The following GPC5 variants were observed in gnomAD, a reference collection of about 807,000 sequenced individuals.
GPC5 encodes glypican 5, also known as glypican-5.
A neutral mutation model predicts 53.9 loss-of-function variants in GPC5; 47 were observed. That is an observed-to-expected ratio of 0.87 (90% CI 0.69 to 1.11). The LOEUF (loss-of-function observed/expected upper bound fraction) is 1.11. GPC5 is among the 50% of genes most tolerant of loss of function. The probability of loss-of-function intolerance (pLI) is 0.00; values close to 1 mark genes in which losing one functional copy is unlikely to be tolerated. For missense variants in GPC5, 748 were observed against 713.1 expected (o/e 1.05, Z -0.56); for synonymous variants, 286 against 263.3 (o/e 1.09, Z -0.84).
At chr13:92,693,665 C>A (rs186191970) in intron 7 of GPC5, among the ~76,000 whole-genome samples, 93 of 152,084 alleles carry the variant, frequency 6.1e-4, no homozygotes, top group African/African-American at 2.1e-3. Flanking sequence ...CATACATGTT[C>A]GCAAAGAGAG....
chr13:92,853,272 CAAT>C (rs981688153), intron 7 of GPC5, among the ~76,000 whole-genome samples: 1 of 152,090 alleles, frequency 6.6e-6, no homozygotes, highest in African/African-American at 2.4e-5. Context: ...AAGTACACTA[CAAT>C]GAGGTATTTT....
intron 7 of GPC5, among the ~76,000 whole-genome samples, chr13:92,415,374 G>A (rs1226948477): frequency 6.6e-6 from 1 of 152,134 alleles, no homozygotes; most frequent in African/African-American, 2.4e-5. Flanking sequence ...CAATGGTCAA[G>A]CCAGGAAAAA....
At chr13:91,777,330 AAGTT>A (rs1443140281) in intron 5 of GPC5, among the ~76,000 whole-genome samples, 7 of 152,208 alleles carry the variant, frequency 4.6e-5, no homozygotes, top group East Asian at 1.9e-4. Flanking sequence ...TTGTATGAAA[AAGTT>A]AGTTATCTGC....
At chr13:91,974,082 G>A (rs535933788) in intron 6 of GPC5, among the ~76,000 whole-genome samples, 3 of 152,330 alleles carry the variant, frequency 2.0e-5, no homozygotes, top group Non-Finnish European at 4.4e-5. Context: ...TCCCCCAGAG[G>A]TGGAATCTAC....
At chr13:91,700,970 GC>G (rs1284386124) in intron 3 of GPC5, among the ~76,000 whole-genome samples, 1 of 152,120 alleles carries the variant, frequency 6.6e-6, no homozygotes, top group Non-Finnish European at 1.5e-5. Context: ...CATCACTGAT[GC>G]TTTCAGCTGC....
chr13:91,476,086 G>A (rs1012514377), intron 2 of GPC5, among the ~76,000 whole-genome samples: 2 of 152,118 alleles, frequency 1.3e-5, no homozygotes, highest in African/African-American at 2.4e-5. Context: ...TTTCAACATG[G>A]CACTATTGAC....
intron 7 of GPC5, among the ~76,000 whole-genome samples, chr13:92,753,579 T>G (rs531003946): frequency 6.6e-6 from 1 of 152,022 alleles, no homozygotes; most frequent in African/African-American, 2.4e-5. Flanking sequence ...TTGAAAACTT[T>G]GAAAAAAATT....
chr13:92,068,966 G>A (rs1186034159), intron 6 of GPC5, among the ~76,000 whole-genome samples: 1 of 151,850 alleles, frequency 6.6e-6, no homozygotes, highest in Non-Finnish European at 1.5e-5. Flanking sequence ...CTAAGGTCAT[G>A]AAGATTTTGC....
chr13:92,075,353 A>T (rs1013946732), intron 6 of GPC5, among the ~76,000 whole-genome samples: 3 of 152,238 alleles, frequency 2.0e-5, no homozygotes, highest in Admixed American at 6.5e-5. Flanking sequence ...CTCTAACATT[A>T]GCAACAAAAC....
intron 6 of GPC5, among the ~76,000 whole-genome samples, chr13:92,020,298 C>T (rs971071068): frequency 2.6e-5 from 4 of 152,108 alleles, no homozygotes; most frequent in African/African-American, 7.2e-5. Context: ...ATCTACATAA[C>T]CTACCACATT....
chr13:91,860,047 T>G (rs7997239), intron 5 of GPC5, among the ~76,000 whole-genome samples: 3 of 151,932 alleles, frequency 2.0e-5, no homozygotes, highest in African/African-American at 7.3e-5. Flanking sequence ...TCATTGCAAA[T>G]GTTTATCATT....
intron 2 of GPC5, among the ~76,000 whole-genome samples, chr13:91,559,956 G>C (rs1359118603): frequency 6.6e-6 from 1 of 152,134 alleles, no homozygotes; most frequent in East Asian, 1.9e-4. Flanking sequence ...GGGGAACATT[G>C]TAAGAATAGA....
intron 6 of GPC5, among the ~76,000 whole-genome samples, chr13:91,991,007 C>T (rs890186466): frequency 3.9e-5 from 6 of 152,076 alleles, no homozygotes; most frequent in Admixed American, 2.6e-4. Flanking sequence ...AAAATGGTAG[C>T]GGAAAGTGTG....
chr13:91,855,941 C>G (rs551624370), intron 5 of GPC5, among the ~76,000 whole-genome samples: 7 of 151,466 alleles, frequency 4.6e-5, no homozygotes, highest in Non-Finnish European at 1.5e-5. Context: ...ATATTTCTAC[C>G]CCCTAGAAAG....
At chr13:92,307,103 T>A (rs2043116266) in intron 7 of GPC5, among the ~76,000 whole-genome samples, 1 of 152,268 alleles carries the variant, frequency 6.6e-6, no homozygotes. Flanking sequence ...TTTTGAAATT[T>A]AACTTTCATT....
chr13:92,698,233 G>A (rs544283789), intron 7 of GPC5, among the ~76,000 whole-genome samples: 1 of 152,098 alleles, frequency 6.6e-6, no homozygotes, highest in African/African-American at 2.4e-5. Context: ...AGTTACATAT[G>A]TATACATGTG....
chr13:91,788,418 A>G (rs898538247), intron 5 of GPC5, among the ~76,000 whole-genome samples: 4 of 152,210 alleles, frequency 2.6e-5, no homozygotes, highest in African/African-American at 9.6e-5. Flanking sequence ...TATTGGGGAG[A>G]CATAAACATT....
chr13:92,619,182 T>C (rs549996889), intron 7 of GPC5, among the ~76,000 whole-genome samples: 1 of 151,972 alleles, frequency 6.6e-6, no homozygotes, highest in Non-Finnish European at 1.5e-5. Context: ...TGCATGGAGA[T>C]AATTTTCTGA....
intron 7 of GPC5, among the ~76,000 whole-genome samples, chr13:92,341,299 G>A (rs2043364484): frequency 6.6e-6 from 1 of 152,004 alleles, no homozygotes; most frequent in East Asian, 1.9e-4. Context: ...AATAAATTTA[G>A]TCACTAGTTC....
Sources: allele counts gnomAD v4.1 joint callset (sites outside exome capture counted in the v4.1 genomes callset), GRCh38; gene constraint gnomAD v4.1.1; transcripts MANE v1.5; gene names NCBI Gene and HGNC (gene_info 2026-07-23, HGNC 2026-07-21).